ATP7A: variants seen among roughly 807,000 people sequenced by gnomAD.
The protein encoded by ATP7A is copper-transporting ATPase 1.
ATP7A carries 7 observed loss-of-function variants against 83.5 expected under a neutral mutation model. That is an observed-to-expected ratio of 0.08 (90% CI 0.05 to 0.16). The LOEUF (loss-of-function observed/expected upper bound fraction) is 0.16. Among genes scored for constraint, ATP7A ranks in the 10% least tolerant of loss-of-function variants. ATP7A has a pLI of 1.00. For synonymous variants in ATP7A, 354 were observed against 395.2 expected (o/e 0.90, Z 1.24); for missense variants, 940 against 1,120.8 (o/e 0.84, Z 2.30).
intron 6 of ATP7A, among the ~76,000 whole-genome samples, chrX:78,007,904 C>T (rs1557233921): frequency 8.9e-6 from 1 of 111,869 alleles, no homozygotes; most frequent in African/African-American, 3.2e-5. Flanking sequence ...TCCATCCCCT[C>T]AAGCATTTAT....
intron 21 of ATP7A, among the ~76,000 whole-genome samples, chrX:78,044,902 G>A (rs1325031656): frequency 9.0e-6 from 1 of 111,444 alleles, no homozygotes; most frequent in Non-Finnish European, 1.9e-5. Context: ...AATACTGAGA[G>A]AACAAAGAAC....
intron 4 of ATP7A, among the ~76,000 whole-genome samples, chrX:77,994,348 G>A (rs1470901845): frequency 1.8e-5 from 2 of 111,342 alleles, no homozygotes; most frequent in African/African-American, 6.5e-5. Flanking sequence ...TTACAGGTGT[G>A]AGCCACAGTG....
chrX:78,046,598 A>G lies in ATP7A; in HGVS notation c.*28A>G, dbSNP rs1557239159. 3.3e-6 allele frequency: 4 copies of G among 1,207,209 alleles called. No homozygotes were observed. Among genetic ancestry groups the G allele is most frequent in the Non-Finnish European group, 4.5e-6 (4 of 891,736 alleles). On this transcript the variant is annotated 3_prime_UTR_variant, in exon 23 of 23. Coordinates refer to ENST00000341514, the MANE Select transcript of ATP7A (RefSeq NM_000052.7). Reference sequence around the variant, plus strand: ...GGCCATGGAGAGTGCTGCCAGTTTAACTTGTCATGCACTGACACAGCATTC... The same window carrying G: ...GGCCATGGAGAGTGCTGCCAGTTTAGCTTGTCATGCACTGACACAGCATTC...
intron 1 of ATP7A, among the ~76,000 whole-genome samples, chrX:77,927,349 A>G (rs2077247351): frequency 8.9e-6 from 1 of 111,868 alleles, no homozygotes. Flanking sequence ...ATATAAATTT[A>G]TACAACATTT....
At chrX:77,912,430 G>A (rs2077165352) in intron 1 of ATP7A, among the ~76,000 whole-genome samples, 1 of 111,618 alleles carries the variant, frequency 9.0e-6, no homozygotes, top group African/African-American at 3.3e-5. Flanking sequence ...CACACTGTAA[G>A]TCAATATTCC....
intron 2 of ATP7A, among the ~76,000 whole-genome samples, chrX:77,983,668 A>G (rs1285887357): frequency 1.8e-5 from 2 of 111,729 alleles, no homozygotes; most frequent in Non-Finnish European, 3.8e-5. Context: ...AGCTATATTT[A>G]TAATTTGTAG....
In ATP7A at chrX:78,004,144, G is replaced by A. The variant is rs538751057; in HGVS notation, c.1707+908G>A. ...ACTGACAAGTAAAGATTTCCAGGAT[G>A]TATTATTTACTTAAGCAAAACAAGT... On this transcript the variant is annotated intron_variant, in intron 6 of 22. Coordinates refer to ENST00000341514, the MANE Select transcript of ATP7A (RefSeq NM_000052.7). Among the ~76,000 whole-genome samples, 31 of 111,510 alleles carry A rather than the reference G, an allele frequency of 2.8e-4. No homozygotes were observed. The South Asian group carries it at 0.011, about 40-fold the overall frequency.
chrX:77,937,543 A>C (rs2077326463), intron 1 of ATP7A, among the ~76,000 whole-genome samples: 1 of 112,120 alleles, frequency 8.9e-6, no homozygotes, highest in Non-Finnish European at 1.9e-5. Context: ...TTAGTCACTA[A>C]AAATTGGAAA....
In ATP7A at chrX:78,050,032, C is replaced by A. The variant is rs1557239680; in HGVS notation, c.*3462C>A. On this transcript the variant is annotated 3_prime_UTR_variant, in exon 23 of 23. Coordinates refer to ENST00000341514, the MANE Select transcript of ATP7A (RefSeq NM_000052.7). Reference sequence around the variant, plus strand: ...AAATAGAAAAAATATAGATTCATGCCAAATTATTACCTATTTTTACACTAA... The same window carrying A: ...AAATAGAAAAAATATAGATTCATGCAAAATTATTACCTATTTTTACACTAA... 1 of 111,454 alleles carries A rather than the reference C, an allele frequency of 9.0e-6. No homozygotes were observed. Among genetic ancestry groups the A allele is most frequent in the Non-Finnish European group, 1.9e-5 (1 of 52,958 alleles). 9.2% of individuals were successfully genotyped at this position (111,454 alleles called of 1,213,427 possible). A position where few individuals can be genotyped will look rare whatever the true frequency, so the allele number is the denominator to read the frequency against.
At chrX:77,976,961 C>T (rs1414954809) in intron 2 of ATP7A, among the ~76,000 whole-genome samples, 4 of 111,074 alleles carry the variant, frequency 3.6e-5, no homozygotes, top group African/African-American at 6.6e-5. Flanking sequence ...GCAACATCCC[C>T]GAACAGGGAT....
At chrX:78,041,240 T>C (rs1382280885) in intron 19 of ATP7A, among the ~76,000 whole-genome samples, 10 of 111,825 alleles carry the variant, frequency 8.9e-5, no homozygotes, top group Non-Finnish European at 1.7e-4. Flanking sequence ...CCTCTTCTAA[T>C]AAATAATGCA....
At chrX:78,001,245 T>C (rs1311713751) in intron 5 of ATP7A, among the ~76,000 whole-genome samples, 1 of 111,699 alleles carries the variant, frequency 9.0e-6, no homozygotes, top group Non-Finnish European at 1.9e-5. Flanking sequence ...AAGCACTTTA[T>C]ATAGAAAAAT....
intron 1 of ATP7A, among the ~76,000 whole-genome samples, chrX:77,942,542 C>G (rs1024651142): frequency 1.8e-5 from 2 of 108,337 alleles, no homozygotes; most frequent in African/African-American, 6.8e-5. Context: ...TTGACCGGGT[C>G]CCAAGTGATC....
In ATP7A at chrX:77,978,682, C is replaced by T. The variant is rs185311614; in HGVS notation, c.120+6921C>T. On this transcript the variant is annotated intron_variant, in intron 2 of 22. Transcript: ENST00000341514. The stretch of plus-strand genomic sequence containing the variant: ...TTATATACAAGTGATTTTATAAAGT[C>T]GTCAAATGAAGCACTAAAGAATATA... Among the ~76,000 whole-genome samples, 615 of 110,533 alleles carry T rather than the reference C, an allele frequency of 5.6e-3. 3 individuals carry two copies. The highest frequency in any genetic ancestry group is 0.019 in the African/African-American group (589 of 30,473).
At chrX:78,004,365 T>A (rs1389126929) in intron 6 of ATP7A, among the ~76,000 whole-genome samples, 1 of 112,507 alleles carries the variant, frequency 8.9e-6, no homozygotes, top group African/African-American at 3.2e-5. Context: ...ATTGAAATTT[T>A]TACAGCTAGA....
intron 1 of ATP7A, among the ~76,000 whole-genome samples, chrX:77,927,400 T>C (rs782441537): frequency 8.9e-6 from 1 of 112,125 alleles, no homozygotes; most frequent in South Asian, 3.7e-4. Context: ...GTAGCCTCTT[T>C]TTTCACTTAA....
At chrX:78,037,745 G>A (rs2078022229) in intron 17 of ATP7A, among the ~76,000 whole-genome samples, 1 of 110,588 alleles carries the variant, frequency 9.0e-6, no homozygotes, top group Admixed American at 9.7e-5. Context: ...AGTAAGATGA[G>A]GAATGAGAAT....
intron 2 of ATP7A, among the ~76,000 whole-genome samples, 175 bp from the exon 3 acceptor site, chrX:77,988,067 G>T (rs955579574): frequency 9.0e-6 from 1 of 111,448 alleles, no homozygotes; most frequent in Admixed American, 9.6e-5. Flanking sequence ...ATTCTTGTAG[G>T]TACACAAGAC....
intron 1 of ATP7A, among the ~76,000 whole-genome samples, chrX:77,925,845 C>T (rs1401686526): frequency 1.4e-4 from 16 of 110,695 alleles, no homozygotes; most frequent in Non-Finnish European, 1.9e-5. Context: ...ACTCTTTTGT[C>T]TCAAAACTTT....
Sources: gnomAD v4.1 joint callset for allele counts (sites outside exome capture counted in the v4.1 genomes callset) on GRCh38, gnomAD v4.1.1 for gene constraint, MANE v1.5 for transcripts, NCBI Gene and HGNC (gene_info 2026-07-23, HGNC 2026-07-21) for gene names.